APC2: variants seen among roughly 807,000 people sequenced by gnomAD.
APC2 encodes adenomatous polyposis coli protein 2.
A neutral mutation model predicts 72.5 loss-of-function variants in APC2; 41 were observed. The ratio of observed to expected loss-of-function variants is 0.57; its 90% confidence interval spans 0.44 to 0.73. The LOEUF (loss-of-function observed/expected upper bound fraction) is 0.73. Among genes scored for constraint, APC2 ranks in the 30% least tolerant of loss-of-function variants. The probability of loss-of-function intolerance (pLI) is 0.00; values close to 1 mark genes in which losing one functional copy is unlikely to be tolerated. For missense variants in APC2, 3,729 were observed against 3,403.4 expected (o/e 1.10, Z -2.38); for synonymous variants, 1,898 against 1,612.0 (o/e 1.18, Z -4.25).
chr19:1,460,374 C>T (rs2083903639), intron 11 of APC2, 54 bp downstream of exon 11: 1 of 1,608,380 alleles, frequency 6.2e-7, no homozygotes. Flanking sequence ...CTTCCAGGGA[C>T]TGAGCCTCCT....
intron 8 of APC2, 72 bp from the exon 9 acceptor site, chr19:1,456,781 G>T (rs2083834615): frequency 6.6e-7 from 1 of 1,521,198 alleles, no homozygotes. Context: ...AGGGGTCACA[G>T]GGCTCCGACC....
intron 9 of APC2, chr19:1,457,727 C>T: frequency 1.7e-6 from 1 of 583,674 alleles, no homozygotes; most frequent in South Asian, 2.0e-5. Flanking sequence ...AGGGCAGAAG[C>T]ACAGCTGAAA....
chr19:1,453,761 C>T, intron 4 of APC2, 150 bp downstream of exon 4: 22 of 1,120,192 alleles, frequency 2.0e-5, no homozygotes, highest in Non-Finnish European at 2.6e-5. Context: ...ACCGAACAAC[C>T]CCGCCCACCT....
chr19:1,455,381 C>T lies in APC2; in HGVS notation c.523-3C>T, dbSNP rs1316116340. The T allele has an allele frequency of 1.2e-6, 2 of 1,608,026 alleles. No homozygotes were observed. Among genetic ancestry groups the T allele is most frequent in the Non-Finnish European group, 1.7e-6 (2 of 1,177,798 alleles). On this transcript the variant is annotated splice_region_variant and splice_polypyrimidine_tract_variant and intron_variant, in intron 5 of 14. Transcript: ENST00000590469. ...CCGTGGCCCGCCCGCCTGCCTTTGC[C>T]AGCAGTTCTCGATGCAGATGGACCT...
Position 1,470,096 on chromosome 19 carries a change from C to A in APC2, c.6795C>A (p.Ser2265Arg). The change falls in exon 15 of 15, where the codon AGC becomes AGA. Residue 2265 changes from serine (S) to arginine (R), a missense_variant. By Grantham distance (110) the Ser-to-Arg change is moderately radical. Coordinates refer to ENST00000590469, the MANE Select transcript of APC2 (RefSeq NM_005883.3). ...GFPASRHGSP[S>R]RSARVPPFNY... Reference sequence around the variant, plus strand: ...CCGCCAGCCGGCACGGCTCCCCCAGCCGCTCGGCCCGAGTACCCCCCTTCA... The same window carrying A: ...CCGCCAGCCGGCACGGCTCCCCCAGACGCTCGGCCCGAGTACCCCCCTTCA... 6.2e-7 allele frequency: 1 copy of A among 1,604,610 alleles called. No individual in the cohort carries two copies. Among genetic ancestry groups the A allele is most frequent in the Non-Finnish European group, 8.5e-7 (1 of 1,177,530 alleles).
At position 1,469,401 on chromosome 19, in the gene APC2, C is replaced by T; in HGVS notation, c.6100C>T (p.Pro2034Ser). 3.3e-6 allele frequency: 4 copies of T among 1,210,040 alleles called. No individual in the cohort carries two copies. Among genetic ancestry groups the T allele is most frequent in the Non-Finnish European group, 4.1e-6 (4 of 974,364 alleles). 75.0% of individuals were successfully genotyped at this position (1,210,040 alleles called of 1,614,324 possible). ...GCCCCGCCGCGGCCGGCCCGCGCTG[C>T]CCGCCGTCTTCCTCTGCTCCTCGCG... The part of the protein sequence containing the change: ...ASPRRGRPAL[P>S]AVFLCSSRCE... The change falls in exon 15 of 15, where the codon CCC becomes TCC. Residue 2034 changes from proline (P) to serine (S), a missense_variant. Pro to Ser is a moderately conservative substitution (Grantham distance 74). Transcript: ENST00000590469.
chr19:1,472,134 G>A lies in APC2; in HGVS notation c.*1921G>A, dbSNP rs577027037. On this transcript the variant is annotated 3_prime_UTR_variant, in exon 15 of 15. Coordinates refer to ENST00000590469, the MANE Select transcript of APC2 (RefSeq NM_005883.3). The stretch of plus-strand genomic sequence containing the variant: ...GAGTGGGGCGACCTCCTGCCTGCCA[G>A]GAGCCCCCTTTCAGGACACAGCGGG... The A allele has an allele frequency of 2.6e-5, 4 of 152,390 alleles. No homozygotes were observed. The highest frequency in any genetic ancestry group is 1.3e-4 in the Admixed American group (2 of 15,304). 9.4% of individuals were successfully genotyped at this position (152,390 alleles called of 1,614,324 possible).
At position 1,465,845 on chromosome 19, in the gene APC2, G is replaced by C; in HGVS notation, c.2544G>C (p.Ala848=). ...AVAAKAKAKL[A]LAVARIDQLV... ...CGGCCAAGGCCAAGGCCAAGCTGGC[G>C]CTTGCAGTGGCGCGCATCGACCAGC... Residue 848 remains alanine, a synonymous_variant, in exon 15 of 15, where the codon GCG becomes GCC. Coordinates refer to ENST00000590469, the MANE Select transcript of APC2 (RefSeq NM_005883.3). 1 of 1,573,800 alleles carries C rather than the reference G, an allele frequency of 6.4e-7. No individual in the cohort carries two copies. The highest frequency in any genetic ancestry group is 8.6e-7 in the Non-Finnish European group (1 of 1,161,614).
In APC2 at chr19:1,461,957, G is replaced by T. The variant is rs759562542; in HGVS notation, c.1639-6G>T. On this transcript the variant is annotated splice_region_variant and splice_polypyrimidine_tract_variant and intron_variant, in intron 13 of 14. Coordinates refer to ENST00000590469, the MANE Select transcript of APC2 (RefSeq NM_005883.3). Reference sequence around the variant, plus strand: ...CTGACCCGCCCCTCTCCCGCCCCTCGTCCAGGAGTCCACCCTGAAGAGCGT... The same window carrying T: ...CTGACCCGCCCCTCTCCCGCCCCTCTTCCAGGAGTCCACCCTGAAGAGCGT... 1.3e-6 allele frequency: 2 copies of T among 1,585,802 alleles called. No homozygotes were observed. The highest frequency in any genetic ancestry group is 1.7e-6 in the Non-Finnish European group (2 of 1,159,050).
In APC2 at chr19:1,468,963, A is replaced by AT; in HGVS notation, c.5662_5663insT (p.Arg1888MetfsTer265). The AT allele has an allele frequency of 6.4e-7, 1 of 1,553,104 alleles. No homozygotes were observed. The highest frequency in any genetic ancestry group is 8.7e-7 in the Non-Finnish European group (1 of 1,155,658). ...CTCGCCCGCCTCCCAGCCCCTGCCC[A>AT]GAAAGCGCCCCCCGGTCACCCAGGC... On this transcript the variant is annotated frameshift_variant, in exon 15 of 15. Coordinates refer to ENST00000590469, the MANE Select transcript of APC2 (RefSeq NM_005883.3). LOFTEE classifies it low-confidence loss of function (END_TRUNC).
At position 1,466,370 on chromosome 19, in the gene APC2, AG is replaced by A; in HGVS notation, c.3073del (p.Ala1025ProfsTer12). 6.3e-7 allele frequency: 1 copy of A among 1,584,326 alleles called. No individual in the cohort carries two copies. ...EPLAGPGISP[G>X]ARKQAWLPAD... is the part of the protein sequence containing the mutation. ...CCCTCGCGGGGCCTGGAATCTCTCC[AG>A]GGGCCCGGAAGCAGGCCTGGCTGCC... On this transcript the variant is annotated frameshift_variant, in exon 15 of 15. Coordinates refer to ENST00000590469, the MANE Select transcript of APC2 (RefSeq NM_005883.3). LOFTEE classifies it low-confidence loss of function (END_TRUNC).
chr19:1,447,926 C>T (rs890202493), upstream of APC2, among the ~76,000 whole-genome samples: 2 of 152,110 alleles, frequency 1.3e-5, no homozygotes, highest in African/African-American at 4.8e-5. Context: ...CTGATGGGGG[C>T]CTGGGGAGCT....
At chr19:1,448,295 T>C (rs1177143231), upstream of APC2, among the ~76,000 whole-genome samples, 2 of 151,946 alleles carry the variant, frequency 1.3e-5, no homozygotes, top group Non-Finnish European at 2.9e-5. Flanking sequence ...CCTTCCAGCC[T>C]CCAGAAAAAA....
Position 1,471,301 on chromosome 19 carries a change from C to T in APC2, c.*1088C>T, listed in dbSNP as rs1184436811. On this transcript the variant is annotated 3_prime_UTR_variant, in exon 15 of 15. Transcript: ENST00000590469. ...GTTCATGATGCATAAAGCGCTAGGC[C>T]CTAGAACTCCAGAAACAGCACAGCT... 2 of 152,378 alleles carry T rather than the reference C, an allele frequency of 1.3e-5. No individual in the cohort carries two copies. Among genetic ancestry groups the T allele is most frequent in the African/African-American group, 2.4e-5 (1 of 41,464 alleles). 9.4% of individuals were successfully genotyped at this position (152,378 alleles called of 1,614,324 possible).
intron 13 of APC2, 157 bp downstream of exon 13, chr19:1,461,310 T>C (rs1056426442): frequency 3.5e-5 from 23 of 661,034 alleles, no homozygotes; most frequent in Admixed American, 2.8e-4. Flanking sequence ...TCACTCCTCA[T>C]GTCACTGCTC....
upstream of APC2, chr19:1,450,014 G>A (rs2083723995): frequency 1.5e-6 from 1 of 658,248 alleles, no homozygotes; most frequent in Non-Finnish European, 1.9e-6. Flanking sequence ...GCCGACGCCG[G>A]TCCCCGCCCC....
rs1169326832 is a variant in APC2 at position 1,461,019 on chromosome 19, GC to G, written c.1522-14del. 11 of 1,613,078 alleles carry G rather than the reference GC, an allele frequency of 6.8e-6. No individual in the cohort carries two copies. The highest frequency in any genetic ancestry group is 5.3e-5 in the African/African-American group (4 of 74,926). On this transcript the variant is annotated splice_polypyrimidine_tract_variant and intron_variant, in intron 12 of 14. Coordinates refer to ENST00000590469, the MANE Select transcript of APC2 (RefSeq NM_005883.3). ...CCTGGACCCTAGTCCCACCACACTT[GC>G]CCCTCACCCCACCCAGGTGGTGTCC...
At chr19:1,461,450 G>A (rs2145214316) in intron 13 of APC2, 1 of 473,098 alleles carries the variant, frequency 2.1e-6, no homozygotes, top group Non-Finnish European at 3.8e-6. Context: ...GCGCCTGTTA[G>A]TCCAGCTACT....
Position 1,456,888 on chromosome 19 carries a change from G to T in APC2, c.852G>T (p.Ala284=). The T allele has an allele frequency of 6.3e-7, 1 of 1,592,510 alleles. No homozygotes were observed. Among genetic ancestry groups the T allele is most frequent in the Non-Finnish European group, 8.5e-7 (1 of 1,175,928 alleles). The change falls in exon 9 of 15, where the codon GCG becomes GCT. Residue 284 remains alanine (A), a synonymous_variant. Coordinates refer to ENST00000590469, the MANE Select transcript of APC2 (RefSeq NM_005883.3). ...TCTTCTGGCTGTTGTCCATGTTGGC[G>T]ACGCGCGACCAGGAGGATACAGCGC... ...EVVFWLLSML[A]TRDQEDTART... is the part of the protein sequence containing the mutation.
Sources: allele counts gnomAD v4.1 joint callset (sites outside exome capture counted in the v4.1 genomes callset), GRCh38; gene constraint gnomAD v4.1.1; transcripts MANE v1.5; gene names NCBI Gene and HGNC (gene_info 2026-07-23, HGNC 2026-07-21).